Variants in WDR64 observed in about 807,000 individuals in gnomAD.
WDR64 encodes WD repeat domain 64.
A neutral mutation model predicts 139.3 loss-of-function variants in WDR64; 112 were observed. The observed-to-expected ratio is 0.80, with a 90% CI of 0.69 to 0.94. The LOEUF is 0.94. Ranked by LOEUF, WDR64 falls within the 40% of genes least tolerant of loss-of-function variation. WDR64 has a pLI of 0.00. For synonymous variants in WDR64, 444 were observed against 437.7 expected (o/e 1.01, Z -0.18); for missense variants, 1,206 against 1,293.1 (o/e 0.93, Z 1.03).
chr1:241,681,856 G>T (rs1666805732), intron 6 of WDR64, among the ~76,000 whole-genome samples: 1 of 152,066 alleles, frequency 6.6e-6, no homozygotes, highest in Admixed American at 6.6e-5. Context: ...GTTTTGATTT[G>T]CATTTTCCTG....
intron 10 of WDR64, among the ~76,000 whole-genome samples, chr1:241,726,949 C>T (rs1175251716): frequency 6.6e-6 from 1 of 151,696 alleles, no homozygotes; most frequent in Non-Finnish European, 1.5e-5. Context: ...TGCAATGGCA[C>T]CATCTCAGCT....
At chr1:241,765,963 A>C (rs1658143559) in intron 15 of WDR64, among the ~76,000 whole-genome samples, 1 of 152,192 alleles carries the variant, frequency 6.6e-6, no homozygotes, top group East Asian at 1.9e-4. Context: ...GTTGGGAAGA[A>C]AGAATAAATA....
chr1:241,731,349 A>C (rs1669070698), intron 10 of WDR64, among the ~76,000 whole-genome samples: 1 of 152,150 alleles, frequency 6.6e-6, no homozygotes, highest in Non-Finnish European at 1.5e-5. Flanking sequence ...TCTCTTAAAA[A>C]AAAAAAAATG....
chr1:241,699,722 A>G (rs1162811417), intron 8 of WDR64, among the ~76,000 whole-genome samples: 6 of 152,220 alleles, frequency 3.9e-5, no homozygotes, highest in African/African-American at 1.4e-4. Context: ...TGGTATTCAC[A>G]AAGATATGGA....
intron 2 of WDR64, among the ~76,000 whole-genome samples, chr1:241,669,319 T>C (rs934199192): frequency 6.6e-6 from 1 of 152,172 alleles, no homozygotes; most frequent in African/African-American, 2.4e-5. Context: ...TCGAATGATA[T>C]AGGGCTGAGG....
Position 241,703,463 on chromosome 1 carries a change from T to G in WDR64, c.975-8339T>G, listed in dbSNP as rs1366795812. On this transcript the variant is annotated intron_variant, in intron 8 of 27. Transcript: ENST00000437684. The surrounding 1 kb of genome is among the most constrained non-coding windows in gnomAD (Gnocchi z 5.9). Reference sequence around the variant, plus strand: ...TGATAGGGGACTCTATCAAAAAGTTTTTTTTTTTTTTCTGTTTTGAAGAAA... The same window carrying G: ...TGATAGGGGACTCTATCAAAAAGTTGTTTTTTTTTTTCTGTTTTGAAGAAA... 2.0e-5 allele frequency among the ~76,000 whole-genome samples: 3 copies of G among 151,826 alleles called. No homozygotes were observed. In the South Asian group the frequency reaches 6.2e-4, roughly 32 times the overall value.
At chr1:241,705,318 G>A (rs1440682024) in intron 8 of WDR64, among the ~76,000 whole-genome samples, 1 of 151,990 alleles carries the variant, frequency 6.6e-6, no homozygotes, top group Non-Finnish European at 1.5e-5. Flanking sequence ...AAGGAGGGCG[G>A]ATCATGAGGT....
At chr1:241,685,291 T>A (rs991638595) in intron 7 of WDR64, among the ~76,000 whole-genome samples, 4 of 151,766 alleles carry the variant, frequency 2.6e-5, no homozygotes, top group African/African-American at 9.7e-5. Flanking sequence ...TTTAATTGTT[T>A]TAAAAAATAT....
At chr1:241,655,284 A>G (rs543145599) in intron 1 of WDR64, among the ~76,000 whole-genome samples, 12 of 152,126 alleles carry the variant, frequency 7.9e-5, no homozygotes, top group Non-Finnish European at 1.6e-4. Context: ...TCGGGAGGCT[A>G]AGCCAGGAGA....
At chr1:241,665,027 T>C (rs1318855366) in intron 2 of WDR64, among the ~76,000 whole-genome samples, 1 of 151,944 alleles carries the variant, frequency 6.6e-6, no homozygotes, top group Non-Finnish European at 1.5e-5. Context: ...TAAGACCCTG[T>C]CTCTATGAAG....
At chr1:241,654,998 C>T (rs79609083) in intron 1 of WDR64, among the ~76,000 whole-genome samples, 261 of 152,234 alleles carry the variant, frequency 1.7e-3, no homozygotes, top group African/African-American at 5.8e-3. Flanking sequence ...ACTTCTAGTT[C>T]GAAGTATTTT....
intron 21 of WDR64, among the ~76,000 whole-genome samples, chr1:241,777,668 T>G (rs573399024): frequency 6.6e-6 from 1 of 152,312 alleles, no homozygotes; most frequent in African/African-American, 2.4e-5. Flanking sequence ...TCCACCCACC[T>G]CAGCCTCCCA....
At chr1:241,788,503 C>G (rs1659118984) in intron 24 of WDR64, among the ~76,000 whole-genome samples, 1 of 152,170 alleles carries the variant, frequency 6.6e-6, no homozygotes, top group Admixed American at 6.6e-5. Flanking sequence ...GGGGACCAGA[C>G]CTGCCTGGAC....
intron 22 of WDR64, 135 bp from the exon 23 acceptor site, chr1:241,783,137 G>C: frequency 1.4e-6 from 1 of 718,304 alleles, no homozygotes; most frequent in Middle Eastern, 3.8e-4. Flanking sequence ...TTGGGGGCAA[G>C]GACTTAATCA....
At chr1:241,788,987 A>T (rs1659137736) in intron 24 of WDR64, among the ~76,000 whole-genome samples, 1 of 152,186 alleles carries the variant, frequency 6.6e-6, no homozygotes, top group South Asian at 2.1e-4. Context: ...GTCCATATGC[A>T]TCTTCTTCTC....
chr1:241,750,012 C>T (rs2148263039), intron 14 of WDR64, among the ~76,000 whole-genome samples: 1 of 152,312 alleles, frequency 6.6e-6, no homozygotes, highest in Middle Eastern at 3.4e-3. Flanking sequence ...CAGCTGCCAC[C>T]TCTGACATGC....
At chr1:241,764,124 T>C (rs1574079015) in intron 15 of WDR64, among the ~76,000 whole-genome samples, 1 of 151,414 alleles carries the variant, frequency 6.6e-6, no homozygotes, top group Non-Finnish European at 1.5e-5. Context: ...ATACTGGGAG[T>C]AGTTAAAAAT....
chr1:241,683,288 C>A (rs1394557028), intron 6 of WDR64, among the ~76,000 whole-genome samples, 199 bp from the exon 7 acceptor site: 1 of 152,160 alleles, frequency 6.6e-6, no homozygotes, highest in Non-Finnish European at 1.5e-5. Context: ...ACAAAACACC[C>A]AAAATAACAA....
chr1:241,706,011 TA>T (rs1284072039), intron 8 of WDR64, among the ~76,000 whole-genome samples: 1 of 150,166 alleles, frequency 6.7e-6, no homozygotes, highest in African/African-American at 2.5e-5. Context: ...ATTTTTCATA[TA>T]CTTTTATGTC....
Sources: allele counts gnomAD v4.1 joint callset (sites outside exome capture counted in the v4.1 genomes callset), GRCh38; gene constraint gnomAD v4.1.1; non-coding constraint Gnocchi (gnomAD v3.1); transcripts MANE v1.5; gene names NCBI Gene and HGNC (gene_info 2026-07-23, HGNC 2026-07-21).